Variants in TMEM67 observed in about 807,000 individuals in gnomAD.
TMEM67 encodes meckelin.
Under a neutral mutation model 136.6 loss-of-function variants are expected in TMEM67, and 124 were observed. That is an observed-to-expected ratio of 0.91 (90% CI 0.78 to 1.05). The LOEUF is 1.05. TMEM67 is among the 50% of genes least tolerant of loss of function. TMEM67 has a pLI of 0.00. For missense variants in TMEM67, 1,107 were observed against 1,178.4 expected, an observed-to-expected ratio of 0.94 and a Z score of 0.89; for synonymous variants, 364 against 390.5, an observed-to-expected ratio of 0.93 and a Z score of 0.80.
At chr8:93,765,745 T>C (rs1813056573) in intron 6 of TMEM67, 99 bp downstream of exon 6, 1 of 816,382 alleles carries the variant, frequency 1.2e-6, no homozygotes, top group Admixed American at 2.0e-5. Flanking sequence ...TTTGTGTAAA[T>C]CATTTTAAAA....
At position 93,808,917 on chromosome 8, in the gene TMEM67, G is replaced by A. The variant is rs756392515; in HGVS notation, c.2517G>A (p.Met839Ile). Residue 839 changes from methionine to isoleucine, a missense_variant, in exon 24 of 28, where the codon ATG (methionine) becomes ATA (isoleucine). By Grantham distance (10) the Met-to-Ile change is conservative. This residue lies in a region of TMEM67 where 925 missense variants were observed against 1,002.4 expected (regional missense o/e 0.92). Transcript: ENST00000453321. ...QTFEIAISNQ[M>I]RQHYDRIHET... is the part of the protein sequence containing the mutation. Reference sequence around the variant, plus strand: ...TTGAGATTGCAATTTCTAACCAGATGAGACAACATTATGACAGAATTCATG... The same window carrying A: ...TTGAGATTGCAATTTCTAACCAGATAAGACAACATTATGACAGAATTCATG... The A allele has an allele frequency of 2.5e-6, 4 of 1,612,256 alleles. No homozygotes were observed. The highest frequency in any genetic ancestry group is 2.2e-5 in the South Asian group (2 of 91,030).
At chr8:93,791,198 A>AT in intron 14 of TMEM67, 65 bp from the exon 15 acceptor site, 1 of 1,082,792 alleles carries the variant, frequency 9.2e-7, no homozygotes, top group Non-Finnish European at 1.4e-6. Context: ...ATGTATTTTT[A>AT]TAACAAAAAT....
At chr8:93,823,948 C>G (rs1809076210), downstream of TMEM67, among the ~76,000 whole-genome samples, 1 of 151,816 alleles carries the variant, frequency 6.6e-6, no homozygotes, top group Non-Finnish European at 1.5e-5. Context: ...GGATTGTTAC[C>G]TAGAAGGGTG....
At chr8:93,800,752 TC>T (rs1814837265) in intron 21 of TMEM67, among the ~76,000 whole-genome samples, 1 of 152,060 alleles carries the variant, frequency 6.6e-6, no homozygotes, top group East Asian at 1.9e-4. Context: ...CCTTTGAGAG[TC>T]CTCAGCTTTA....
chr8:93,823,485 A>G (rs181271352), downstream of TMEM67, among the ~76,000 whole-genome samples: 5 of 152,050 alleles, frequency 3.3e-5, no homozygotes, highest in African/African-American at 1.2e-4. Flanking sequence ...TCTGTAGGGT[A>G]CAAGAACATA....
At chr8:93,827,775 T>G in the TMEM67 span, among the ~76,000 whole-genome samples, 13 of 151,628 alleles carry the variant, frequency 8.6e-5, no homozygotes, top group Admixed American at 2.6e-4. Context: ...TTTTTTTTTT[T>G]TACTATGGAA....
chr8:93,770,242 A>C lies in TMEM67; in HGVS notation c.652-2347A>C, dbSNP rs568772704. 3.3e-5 allele frequency among the ~76,000 whole-genome samples: 5 copies of C among 152,260 alleles called. No individual in the cohort carries two copies. The East Asian group carries it at 9.6e-4, about 29-fold the overall frequency. On this transcript the variant is annotated intron_variant, in intron 6 of 27. Transcript: ENST00000453321. ...TCTGTATATATGTAAATATATACGC[A>C]AACACAATGTTTTTTTCCCCCTGAG...
At chr8:93,819,264 A>G (rs574302011), downstream of TMEM67, 38 of 418,850 alleles carry the variant, frequency 9.1e-5, 1 homozygote, top group South Asian at 5.9e-4. Context: ...TAACTGACCA[A>G]TGAAAATTCT....
chr8:93,795,617 GAA>G (rs1421096076), intron 17 of TMEM67, 110 bp downstream of exon 17: 1 of 970,986 alleles, frequency 1.0e-6, no homozygotes, highest in African/African-American at 1.6e-5. Context: ...ACAGTATTAA[GAA>G]AAGTTCCCAA....
intron 16 of TMEM67, 133 bp downstream of exon 16, chr8:93,793,429 T>C: frequency 1.3e-6 from 1 of 752,058 alleles, no homozygotes. Context: ...GGGTAAGTAT[T>C]GCTGGGTCAT....
intron 7 of TMEM67, 66 bp from the exon 8 acceptor site, chr8:93,780,527 T>A: frequency 6.2e-7 from 1 of 1,602,386 alleles, no homozygotes; most frequent in Admixed American, 1.7e-5. Context: ...AGTAAAATTT[T>A]TATATCAACT....
chr8:93,783,831 T>A (rs543945001), intron 11 of TMEM67, among the ~76,000 whole-genome samples: 2 of 152,286 alleles, frequency 1.3e-5, no homozygotes, highest in South Asian at 4.2e-4. Flanking sequence ...TCATGAGAAC[T>A]CACTCACTAT....
intron 7 of TMEM67, among the ~76,000 whole-genome samples, chr8:93,776,570 GA>G (rs1321487442): frequency 6.6e-6 from 1 of 152,164 alleles, no homozygotes; most frequent in Non-Finnish European, 1.5e-5. Context: ...AAGGGCTGTT[GA>G]ATTTTATCGA....
At position 93,794,897 on chromosome 8, in the gene TMEM67, A is replaced by G. The variant is rs560655410; in HGVS notation, c.1675-512A>G. 9 of 160,254 alleles carry G rather than the reference A, an allele frequency of 5.6e-5. 1 individual carries two copies. In the South Asian group the frequency reaches 1.6e-3, roughly 28 times the overall value. The allele number at this position is 160,254 out of a possible 1,614,324, so 9.9% of individuals were successfully genotyped here. A position where few individuals can be genotyped will look rare whatever the true frequency, so the allele number is the denominator to read the frequency against. Reference sequence around the variant, plus strand: ...AAACAATGCCCATTTTATTCCAGAAAGTATTTGAGATGAACGTATGGAGTG... The same window carrying G: ...AAACAATGCCCATTTTATTCCAGAAGGTATTTGAGATGAACGTATGGAGTG... On this transcript the variant is annotated intron_variant, in intron 16 of 27. Coordinates refer to ENST00000453321, the MANE Select transcript of TMEM67 (RefSeq NM_153704.6).
At chr8:93,807,628 T>C (rs1470729824) in intron 23 of TMEM67, among the ~76,000 whole-genome samples, 1 of 152,102 alleles carries the variant, frequency 6.6e-6, no homozygotes, top group Non-Finnish European at 1.5e-5. Flanking sequence ...ATTTTCTTTT[T>C]TGTATTTCTC....
rs1328399557 is a variant in TMEM67 at position 93,817,107 on chromosome 8, T to G, written c.*655T>G. 1 of 152,230 alleles carries G rather than the reference T, an allele frequency of 6.6e-6. No individual in the cohort carries two copies. 9.4% of individuals were successfully genotyped at this position (152,230 alleles called of 1,614,324 possible). A position where few individuals can be genotyped will look rare whatever the true frequency, so the allele number is the denominator to read the frequency against. Reference sequence around the variant, plus strand: ...ATGAAATATATTTGCATTTCTAATATAGTTTACATTTATTAAGTTATAACG... The same window carrying G: ...ATGAAATATATTTGCATTTCTAATAGAGTTTACATTTATTAAGTTATAACG... On this transcript the variant is annotated 3_prime_UTR_variant, in exon 28 of 28. Coordinates refer to ENST00000453321, the MANE Select transcript of TMEM67 (RefSeq NM_153704.6).
Position 93,755,775 on chromosome 8 carries a change from T to TTTGTAA in TMEM67, c.224-3_224-2insTTGTAA. The TTTGTAA allele has an allele frequency of 7.8e-7, 1 of 1,281,726 alleles. No individual in the cohort carries two copies. The highest frequency in any genetic ancestry group is 1.1e-6 in the Non-Finnish European group (1 of 917,216). The allele number at this position is 1,281,726 out of a possible 1,614,324, so 79.4% of individuals were successfully genotyped here. A position where few individuals can be genotyped will look rare whatever the true frequency, so the allele number is the denominator to read the frequency against. ...GCTTTTTTTTTTTTTTTTTTTTTTT[T>TTTGTAA]AGGAACTTCATGTGTATGTCTACCA... On this transcript the variant is annotated splice_polypyrimidine_tract_variant and splice_region_variant and intron_variant, in intron 1 of 27. Coordinates refer to ENST00000453321, the MANE Select transcript of TMEM67 (RefSeq NM_153704.6).
chr8:93,809,767 T>G lies in TMEM67; in HGVS notation c.2662-18T>G. 7.3e-7 allele frequency: 1 copy of G among 1,369,924 alleles called. No homozygotes were observed. Among genetic ancestry groups the G allele is most frequent in the Non-Finnish European group, 1.0e-6 (1 of 959,158 alleles). 84.9% of individuals were successfully genotyped at this position (1,369,924 alleles called of 1,614,324 possible). On this transcript the variant is annotated intron_variant, in intron 25 of 27. Transcript: ENST00000453321. ...TTCACTACTGTTTGTGAAATGATGC[T>G]GTCTTTTTCTTTATTAGGTTCATAA... is the stretch of plus-strand genomic sequence containing the variant.
intron 17 of TMEM67, 67 bp from the exon 18 acceptor site, chr8:93,795,833 CA>C (rs1183614481): frequency 5.4e-6 from 7 of 1,303,480 alleles, no homozygotes; most frequent in Non-Finnish European, 7.6e-6. Context: ...AAAACGAAAA[CA>C]AAAAACAAAC....
Sources: gnomAD v4.1 joint callset for allele counts (sites outside exome capture counted in the v4.1 genomes callset) on GRCh38, gnomAD v4.1.1 for gene constraint, gnomAD v4.1.1 regional missense constraint, MANE v1.5 for transcripts, NCBI Gene and HGNC (gene_info 2026-07-23, HGNC 2026-07-21) for gene names.